LMAN2L: variants seen among roughly 807,000 people sequenced by gnomAD.
LMAN2L encodes lectin, mannose binding 2 like.
A neutral mutation model predicts 44.3 loss-of-function variants in LMAN2L; 30 were observed. The ratio of observed to expected loss-of-function variants is 0.68; its 90% CI spans 0.51 to 0.92. The LOEUF (loss-of-function observed/expected upper bound fraction) is 0.92, where lower values mean the gene tolerates loss of function less well. LMAN2L is among the 40% of genes least tolerant of loss of function. LMAN2L has a pLI of 0.00. For missense variants in LMAN2L, 429 were observed against 446.1 expected (o/e 0.96, Z 0.35); for synonymous variants, 183 against 171.1 (o/e 1.07, Z -0.54).
intron 4 of LMAN2L, among the ~76,000 whole-genome samples, chr2:96,722,662 G>A (rs544494738): frequency 4.8e-4 from 73 of 152,308 alleles, no homozygotes; most frequent in Middle Eastern, 3.4e-3. Context: ...ATCAGTTGAT[G>A]GACATTTAAG....
intron 3 of LMAN2L, 116 bp downstream of exon 3, chr2:96,734,293 T>A (rs1465074033): frequency 2.7e-6 from 2 of 732,560 alleles, no homozygotes; most frequent in Admixed American, 3.7e-5. Flanking sequence ...TTCATCCACA[T>A]ACATTAAGGG....
At chr2:96,712,089 G>A in intron 4 of LMAN2L, 64 bp from the exon 5 acceptor site, 1 of 1,530,008 alleles carries the variant, frequency 6.5e-7, no homozygotes, top group East Asian at 2.3e-5. Context: ...TGTACAAACA[G>A]CAACAGGAAT....
chr2:96,711,331 A>AC (rs568070124), intron 6 of LMAN2L, among the ~76,000 whole-genome samples: 159 of 152,320 alleles, frequency 1.0e-3, no homozygotes, highest in Non-Finnish European at 1.8e-3. Context: ...GGAACGGGGA[A>AC]CATTAGTGGT....
At chr2:96,707,892 AAGTC>A in intron 6 of LMAN2L, 59 bp from the exon 7 acceptor site, 1 of 1,576,668 alleles carries the variant, frequency 6.3e-7, no homozygotes, top group East Asian at 2.2e-5. Flanking sequence ...ATGTTTCTTG[AAGTC>A]AGTATCTTAG....
At chr2:96,735,009 T>C (rs1419756592) in intron 2 of LMAN2L, among the ~76,000 whole-genome samples, 2 of 150,816 alleles carry the variant, frequency 1.3e-5, no homozygotes, top group African/African-American at 4.9e-5. Flanking sequence ...TATGCAAACG[T>C]TTCCAGGAAT....
At chr2:96,725,402 C>G (rs2078248758) in intron 4 of LMAN2L, among the ~76,000 whole-genome samples, 2 of 151,988 alleles carry the variant, frequency 1.3e-5, no homozygotes, top group South Asian at 4.2e-4. Flanking sequence ...CACCTGGCCC[C>G]AACAATATTT....
At chr2:96,710,774 G>A (rs2077897827) in intron 6 of LMAN2L, among the ~76,000 whole-genome samples, 2 of 152,116 alleles carry the variant, frequency 1.3e-5, no homozygotes, top group African/African-American at 4.8e-5. Flanking sequence ...ACTAGCTGTC[G>A]GCTTTTTCAG....
At chr2:96,730,413 T>A (rs2078367695) in intron 4 of LMAN2L, among the ~76,000 whole-genome samples, 1 of 152,086 alleles carries the variant, frequency 6.6e-6, no homozygotes, top group South Asian at 2.1e-4. Flanking sequence ...TGGCCCCAAG[T>A]GGTATATGGT....
intron 6 of LMAN2L, among the ~76,000 whole-genome samples, chr2:96,710,191 A>C (rs1372861846): frequency 6.6e-6 from 1 of 152,344 alleles, no homozygotes; most frequent in East Asian, 1.9e-4. Context: ...GGGGATAATA[A>C]GGCTTTTGGC....
At chr2:96,738,530 G>A (rs1449332504) in intron 1 of LMAN2L, among the ~76,000 whole-genome samples, 1 of 151,896 alleles carries the variant, frequency 6.6e-6, no homozygotes, top group African/African-American at 2.4e-5. Context: ...AAAAAAATTA[G>A]CCAGGTGTGG....
chr2:96,739,196 G>A (rs2153338452), intron 1 of LMAN2L, among the ~76,000 whole-genome samples: 1 of 152,334 alleles, frequency 6.6e-6, no homozygotes, highest in East Asian at 1.9e-4. Flanking sequence ...GTGAATAAAT[G>A]ATTACCCTTA....
rs2077802676 is a variant in LMAN2L, at chr2:96,707,252, G to A, written c.*4C>T. 3.1e-6 allele frequency: 5 copies of A among 1,613,460 alleles called. No homozygotes were observed. The highest frequency in any genetic ancestry group is 2.7e-5 in the African/African-American group (2 of 74,912). On this transcript the variant is annotated 3_prime_UTR_variant, in exon 8 of 8. Coordinates refer to ENST00000264963, the MANE Select transcript of LMAN2L (RefSeq NM_030805.4). ...AGTCACAAAAGTGGTGGCAGCAGGA[G>A]GGCTCAGTAGAAGCGCTTTCGGCTC...
chr2:96,737,256 C>T, intron 2 of LMAN2L: 4 of 419,876 alleles, frequency 9.5e-6, no homozygotes, highest in Non-Finnish European at 1.9e-5. Flanking sequence ...AAATGACCAA[C>T]AGCTCAGAGT....
chr2:96,720,033 GA>G lies in LMAN2L; in HGVS notation c.508-8009del, dbSNP rs548363553. 2.5e-3 allele frequency among the ~76,000 whole-genome samples: 360 copies of G among 143,304 alleles called. 1 individual carries two copies. The highest frequency in any genetic ancestry group is 4.1e-3 in the Admixed American group (59 of 14,308). The allele number at this position is 143,304 out of a possible 152,430, so 94.0% of individuals were successfully genotyped here. On this transcript the variant is annotated intron_variant, in intron 4 of 7. Coordinates refer to ENST00000264963, the MANE Select transcript of LMAN2L (RefSeq NM_030805.4). ...TAGAATGCAAGACTCAGTCTCAAAAGAAAAAAAAAAGACTTGAGGAAATGTT... is the reference window on the plus strand; with the variant it reads ...TAGAATGCAAGACTCAGTCTCAAAAGAAAAAAAAAGACTTGAGGAAATGTT...
chr2:96,735,716 G>A lies in LMAN2L; in HGVS notation c.307-1190C>T, dbSNP rs949423480. Among the ~76,000 whole-genome samples the A allele has an allele frequency of 2.0e-5, 3 of 151,890 alleles. No homozygotes were observed. In the East Asian group the frequency reaches 5.8e-4, roughly 29 times the overall value. On this transcript the variant is annotated intron_variant, in intron 2 of 7. Coordinates refer to ENST00000264963, the MANE Select transcript of LMAN2L (RefSeq NM_030805.4). ...TAGCCGGTGTGGTGGTGGGCGCCTG[G>A]AGTCCTAGCTACTCAGGAGGCTGAG...
chr2:96,721,912 G>C (rs1445473611), intron 4 of LMAN2L, among the ~76,000 whole-genome samples: 1 of 152,148 alleles, frequency 6.6e-6, no homozygotes, highest in Non-Finnish European at 1.5e-5. Flanking sequence ...ATGAACCGGG[G>C]AGTTGGAGGG....
chr2:96,707,197 T>C lies in LMAN2L; in HGVS notation c.*59A>G. 3 of 1,553,904 alleles carry C rather than the reference T, an allele frequency of 1.9e-6. No homozygotes were observed. The highest frequency in any genetic ancestry group is 2.6e-6 in the Non-Finnish European group (3 of 1,132,254). ...TCTCCAGGCTGCATGCTCAGGCCAGTGCCTGCTCCTTCCATACCTCATGGG... is the reference window on the plus strand; with the variant it reads ...TCTCCAGGCTGCATGCTCAGGCCAGCGCCTGCTCCTTCCATACCTCATGGG... On this transcript the variant is annotated 3_prime_UTR_variant, in exon 8 of 8. Transcript: ENST00000264963.
intron 4 of LMAN2L, among the ~76,000 whole-genome samples, chr2:96,721,326 C>CT (rs56023035): frequency 0.017 from 1,394 of 84,402 alleles, 6 homozygotes; most frequent in Non-Finnish European, 0.019. Flanking sequence ...TTCTTTCAGT[C>CT]TTTTTTTTTT....
At chr2:96,708,908 CTTTTTTTT>C (rs140328524) in intron 6 of LMAN2L, among the ~76,000 whole-genome samples, 3 of 89,248 alleles carry the variant, frequency 3.4e-5, no homozygotes, top group African/African-American at 9.3e-5. Context: ...TGAAGTTAGA[CTTTTTTTT>C]TTTTTTTTTT....
Sources: gnomAD v4.1 joint callset for allele counts (sites outside exome capture counted in the v4.1 genomes callset) on GRCh38, gnomAD v4.1.1 for gene constraint, MANE v1.5 for transcripts, NCBI Gene and HGNC (gene_info 2026-07-23, HGNC 2026-07-21) for gene names.